ABCC9: variants seen among roughly 807,000 people sequenced by gnomAD.
ABCC9 encodes ATP-binding cassette sub-family C member 9.
In ABCC9, 95 loss-of-function variants were observed where a neutral mutation model predicts 188.3. The ratio of observed to expected loss-of-function variants is 0.50; its 90% CI spans 0.43 to 0.60. ABCC9 has a LOEUF of 0.60. Among genes scored for constraint, ABCC9 ranks in the 20% least tolerant of loss-of-function variants. ABCC9 has a pLI of 0.00. For missense variants in ABCC9, 1,102 were observed against 1,876.3 expected (o/e 0.59, Z 7.62); for synonymous variants, 659 against 652.7 (o/e 1.01, Z -0.15).
At chr12:21,874,654 T>C (rs1338217918) in intron 17 of ABCC9, among the ~76,000 whole-genome samples, 2 of 152,090 alleles carry the variant, frequency 1.3e-5, no homozygotes, top group Non-Finnish European at 2.9e-5. Flanking sequence ...GTGGTATATA[T>C]ATGCAATGGG....
At chr12:21,923,653 C>A in intron 5 of ABCC9, 1 of 562,916 alleles carries the variant, frequency 1.8e-6, no homozygotes, top group East Asian at 2.9e-5. Flanking sequence ...GGAACTGGAA[C>A]TCTTACACCT....
At position 21,926,206 on chromosome 12, in the gene ABCC9, T is replaced by C. The variant is rs558384152; in HGVS notation, c.285-143A>G. 258 of 1,164,434 alleles carry C rather than the reference T, an allele frequency of 2.2e-4. No homozygotes were observed. In the African/African-American group the frequency reaches 3.8e-3, roughly 17 times the overall value. The allele number at this position is 1,164,434 out of a possible 1,614,324, so 72.1% of individuals were successfully genotyped here. A position where few individuals can be genotyped will look rare whatever the true frequency, so the allele number is the denominator to read the frequency against. ...CAATAGTAGTTTCCAAGATAATACA[T>C]AAGGGAAGAATATATTGAAAGACAT... On this transcript the variant is annotated intron_variant, in intron 4 of 39. Transcript: ENST00000261200.
chr12:21,903,652 C>A (rs1264328881), intron 12 of ABCC9, among the ~76,000 whole-genome samples: 3 of 152,048 alleles, frequency 2.0e-5, no homozygotes, highest in Non-Finnish European at 4.4e-5. Context: ...AAACAGAGAG[C>A]CAAATCATGA....
At chr12:21,910,705 G>GTTA (rs960827344) in intron 9 of ABCC9, 121 bp downstream of exon 9, 9 of 851,452 alleles carry the variant, frequency 1.1e-5, no homozygotes, top group African/African-American at 3.4e-5. Flanking sequence ...TAGAAACGTT[G>GTTA]TTGTTGTAAT....
chr12:21,844,418 T>C, intron 28 of ABCC9, 65 bp downstream of exon 28: 1 of 1,315,238 alleles, frequency 7.6e-7, no homozygotes, highest in Non-Finnish European at 1.1e-6. Flanking sequence ...TACTTTATCT[T>C]AAAATGCTAT....
Position 21,894,024 on chromosome 12 carries a change from G to T in ABCC9, c.1802+8C>A. On this transcript the variant is annotated splice_region_variant and intron_variant, in intron 14 of 39. Transcript: ENST00000261200. ...TAAGCAAAAAATGCCAGACACTTCAGTGCATACCTTATGATGGCTTTGACT... is the reference window on the plus strand; with the variant it reads ...TAAGCAAAAAATGCCAGACACTTCATTGCATACCTTATGATGGCTTTGACT... 6.2e-7 allele frequency: 1 copy of T among 1,613,814 alleles called. No individual in the cohort carries two copies. Among genetic ancestry groups the T allele is most frequent in the Non-Finnish European group, 8.5e-7 (1 of 1,179,946 alleles).
intron 2 of ABCC9, among the ~76,000 whole-genome samples, chr12:21,939,513 A>T (rs1191691273): frequency 6.6e-6 from 1 of 152,184 alleles, no homozygotes; most frequent in African/African-American, 2.4e-5. Flanking sequence ...ACCAGGTTCA[A>T]TTGGGAATGT....
chr12:21,851,366 C>T (rs957170712), intron 24 of ABCC9, among the ~76,000 whole-genome samples: 12 of 152,130 alleles, frequency 7.9e-5, no homozygotes, highest in African/African-American at 2.2e-4. Flanking sequence ...GTAATTACAC[C>T]GGATATGCAC....
intron 30 of ABCC9, among the ~76,000 whole-genome samples, chr12:21,833,037 T>C (rs538286961): frequency 1.3e-5 from 2 of 152,210 alleles, no homozygotes; most frequent in African/African-American, 4.8e-5. Context: ...AAACCAAATA[T>C]CATATGTTCT....
intron 8 of ABCC9, among the ~76,000 whole-genome samples, chr12:21,912,141 C>A (rs1015366497): frequency 9.9e-5 from 15 of 151,762 alleles, no homozygotes; most frequent in African/African-American, 3.6e-4. Flanking sequence ...TCTCATATTG[C>A]ATAACATTTT....
intron 12 of ABCC9, among the ~76,000 whole-genome samples, chr12:21,899,680 G>C (rs1307536272): frequency 6.6e-6 from 1 of 152,178 alleles, no homozygotes; most frequent in Non-Finnish European, 1.5e-5. Context: ...GCCTGGCTCG[G>C]AGGGTCCCAC....
At chr12:21,887,674 T>C in intron 15 of ABCC9, 152 bp downstream of exon 15, 1 of 658,600 alleles carries the variant, frequency 1.5e-6, no homozygotes, top group Non-Finnish European at 2.8e-6. Context: ...GATTTTAGAC[T>C]TGTGAGGTTG....
At chr12:21,845,525 T>A in intron 26 of ABCC9, 78 bp downstream of exon 26, 1 of 1,133,942 alleles carries the variant, frequency 8.8e-7, no homozygotes, top group Non-Finnish European at 1.3e-6. Flanking sequence ...GATATAAGCA[T>A]CTAACTAGAT....
chr12:21,921,080 T>C (rs1948800305), intron 5 of ABCC9, among the ~76,000 whole-genome samples: 1 of 152,094 alleles, frequency 6.6e-6, no homozygotes, highest in Non-Finnish European at 1.5e-5. Context: ...CTTTTGGGTA[T>C]AGACCTAGGA....
In ABCC9 at chr12:21,805,396, T is replaced by C. The variant is rs142731566; in HGVS notation, c.4512+602A>G. ...TTAAAAAATAGTTTTTATTAAGCAG[T>C]AAGCCTAAATATGAGCAAGAATCCA... On this transcript the variant is annotated intron_variant, in intron 39 of 39. Coordinates refer to ENST00000261200, the MANE Select transcript of ABCC9 (RefSeq NM_020297.4). The C allele has an allele frequency of 7.2e-5, 93 of 1,293,532 alleles. 1 individual carries two copies. The African/African-American group carries it at 1.1e-3, about 15-fold the overall frequency. The allele number at this position is 1,293,532 out of a possible 1,614,324, so 80.1% of individuals were successfully genotyped here.
intron 24 of ABCC9, among the ~76,000 whole-genome samples, chr12:21,849,603 A>T (rs1267048798): frequency 6.6e-6 from 1 of 152,190 alleles, no homozygotes; most frequent in Non-Finnish European, 1.5e-5. Flanking sequence ...ACTTAAAAAA[A>T]CAAATAAACA....
At chr12:21,841,275 A>G (rs1944373231) in intron 29 of ABCC9, among the ~76,000 whole-genome samples, 1 of 151,294 alleles carries the variant, frequency 6.6e-6, no homozygotes, top group South Asian at 2.1e-4. Context: ...TCCTAAACGA[A>G]TATTTTTTTT....
chr12:21,842,540 A>T, intron 28 of ABCC9, 69 bp from the exon 29 acceptor site: 2 of 1,501,402 alleles, frequency 1.3e-6, no homozygotes, highest in Non-Finnish European at 1.9e-6. Context: ...TAACAAAAAT[A>T]CCTATTTTTA....
intron 16 of ABCC9, among the ~76,000 whole-genome samples, chr12:21,880,630 T>C (rs555615068): frequency 1.3e-5 from 2 of 152,234 alleles, no homozygotes; most frequent in East Asian, 3.9e-4. Context: ...TTGACCTTAT[T>C]TGTAATCAGA....
Sources: allele counts gnomAD v4.1 joint callset (sites outside exome capture counted in the v4.1 genomes callset), GRCh38; gene constraint gnomAD v4.1.1; transcripts MANE v1.5; gene names NCBI Gene and HGNC (gene_info 2026-07-23, HGNC 2026-07-21).